FRMD4A: variants seen among roughly 807,000 people sequenced by gnomAD.
The protein encoded by FRMD4A is FERM domain containing 4A.
FRMD4A carries 29 observed loss-of-function variants against 129.1 expected under a neutral mutation model. That is an observed-to-expected ratio of 0.22 (90% CI 0.17 to 0.31). The LOEUF is 0.31. FRMD4A is among the 10% of genes least tolerant of loss of function. The pLI is 1.00. For missense variants in FRMD4A, 1,272 were observed against 1,375.8 expected (o/e 0.92, Z 1.19); for synonymous variants, 634 against 571.6 (o/e 1.11, Z -1.56).
intron 2 of FRMD4A, among the ~76,000 whole-genome samples, chr10:14,199,233 T>C (rs1423353053): frequency 6.6e-6 from 1 of 151,870 alleles, no homozygotes; most frequent in Non-Finnish European, 1.5e-5. Flanking sequence ...TTGTAACTTA[T>C]TCTTTATCAT....
intron 2 of FRMD4A, among the ~76,000 whole-genome samples, chr10:14,039,458 C>T (rs1428127635): frequency 1.4e-5 from 1 of 69,988 alleles, no homozygotes; most frequent in African/African-American, 6.4e-5. Flanking sequence ...ATCAATCAAT[C>T]TATCTATCTA....
intron 13 of FRMD4A, among the ~76,000 whole-genome samples, chr10:13,702,823 C>T (rs1467043401): frequency 6.6e-6 from 1 of 151,360 alleles, no homozygotes; most frequent in Non-Finnish European, 1.5e-5. Context: ...TCTTGTTCAC[C>T]CTCACTTTTA....
intron 2 of FRMD4A, among the ~76,000 whole-genome samples, chr10:14,160,843 T>C (rs901249585): frequency 6.6e-6 from 1 of 152,190 alleles, no homozygotes; most frequent in Non-Finnish European, 1.5e-5. Context: ...AGAATGGGGT[T>C]ATCAAAGAGA....
At chr10:13,884,216 A>ACGCTCACACACACTCT (rs1554956601) in intron 2 of FRMD4A, among the ~76,000 whole-genome samples, 1 of 125,644 alleles carries the variant, frequency 8.0e-6, no homozygotes, top group Non-Finnish European at 1.8e-5. Flanking sequence ...ACTCACACAC[A>ACGCTCACACACACTCT]CACACACACA....
intron 2 of FRMD4A, among the ~76,000 whole-genome samples, chr10:14,185,650 C>T (rs11258928): frequency 0.14 from 21,587 of 152,098 alleles, 2,697 homozygotes; most frequent in African/African-American, 0.33. Context: ...GCTGCAGGGG[C>T]GGTTGTTAGC....
At chr10:13,885,110 T>C (rs529672701) in intron 2 of FRMD4A, among the ~76,000 whole-genome samples, 288 of 152,274 alleles carry the variant, frequency 1.9e-3, no homozygotes, top group African/African-American at 6.6e-3. Flanking sequence ...CCTTGCCTAA[T>C]GCAGTAGCTC....
At chr10:13,675,625 T>A (rs1178520827) in intron 15 of FRMD4A, 1 of 152,450 alleles carries the variant, frequency 6.6e-6, no homozygotes, top group East Asian at 1.9e-4. Flanking sequence ...GGTCTCGAAC[T>A]CCTGACCTCA....
At chr10:13,665,994 A>T in intron 18 of FRMD4A, 103 bp downstream of exon 18, 1 of 713,336 alleles carries the variant, frequency 1.4e-6, no homozygotes. Flanking sequence ...GCGGACAGTT[A>T]GGCAGCTGCT....
intron 2 of FRMD4A, among the ~76,000 whole-genome samples, chr10:14,212,081 T>C (rs564796748): frequency 6.6e-6 from 1 of 152,214 alleles, no homozygotes; most frequent in South Asian, 2.1e-4. Flanking sequence ...GCAGAAAAAG[T>C]GTCCCAGGGT....
intron 2 of FRMD4A, among the ~76,000 whole-genome samples, chr10:13,958,025 T>C (rs1012221193): frequency 3.9e-5 from 6 of 152,178 alleles, no homozygotes; most frequent in African/African-American, 1.4e-4. Flanking sequence ...CACAGCTTGC[T>C]TCTTCCTCTG....
chr10:13,923,143 G>A (rs919811106), intron 2 of FRMD4A, among the ~76,000 whole-genome samples: 1 of 152,188 alleles, frequency 6.6e-6, no homozygotes, highest in African/African-American at 2.4e-5. Flanking sequence ...TGTATCGAGT[G>A]AGGTTTTCCA....
chr10:14,024,023 T>A (rs895707202), intron 2 of FRMD4A, among the ~76,000 whole-genome samples: 18 of 152,202 alleles, frequency 1.2e-4, no homozygotes, highest in African/African-American at 4.3e-4. Flanking sequence ...ATGTGGTTCA[T>A]TCAGGGAATA....
chr10:14,142,827 A>G lies in FRMD4A; in HGVS notation c.45+187231T>C, dbSNP rs374010699. The stretch of plus-strand genomic sequence containing the variant: ...ACTAAAAATGGAATCCAATTAAAAA[A>G]TGGGCAAAGGACTTGAATAGACATT... On this transcript the variant is annotated intron_variant, in intron 2 of 24. Transcript: ENST00000357447. Among the ~76,000 whole-genome samples the G allele has an allele frequency of 3.3e-5, 5 of 152,262 alleles. No individual in the cohort carries two copies. In the East Asian group the frequency reaches 7.7e-4, roughly 23 times the overall value.
intron 2 of FRMD4A, chr10:13,991,732 T>G (rs2095604224): frequency 6.6e-6 from 1 of 152,670 alleles, no homozygotes; most frequent in African/African-American, 2.4e-5. Context: ...GGGCTACGTT[T>G]CCATTGTGTT....
At chr10:14,044,217 C>CATACA (rs1833895357) in intron 2 of FRMD4A, among the ~76,000 whole-genome samples, 1 of 152,204 alleles carries the variant, frequency 6.6e-6, no homozygotes, top group African/African-American at 2.4e-5. Context: ...TCTTTCCTGT[C>CATACA]GCCCCTTTAC....
chr10:14,288,663 T>G (rs1564442731), intron 2 of FRMD4A, among the ~76,000 whole-genome samples: 1 of 152,212 alleles, frequency 6.6e-6, no homozygotes, highest in African/African-American at 2.4e-5. Context: ...TGCACAATAT[T>G]TTTAATTGTT....
At chr10:14,243,742 A>G (rs558040527) in intron 2 of FRMD4A, among the ~76,000 whole-genome samples, 1 of 152,178 alleles carries the variant, frequency 6.6e-6, no homozygotes, top group Admixed American at 6.5e-5. Flanking sequence ...TGGTGGTTGC[A>G]CAACTATGAA....
chr10:13,873,900 A>T (rs1054763913), intron 2 of FRMD4A, among the ~76,000 whole-genome samples: 3 of 152,140 alleles, frequency 2.0e-5, no homozygotes, highest in Admixed American at 1.3e-4. Flanking sequence ...GAACCTTTAA[A>T]GATATGTTCA....
intron 21 of FRMD4A, among the ~76,000 whole-genome samples, chr10:13,658,376 G>A (rs2082354599): frequency 6.6e-6 from 1 of 152,178 alleles, no homozygotes; most frequent in African/African-American, 2.4e-5. Flanking sequence ...AATTCATTCT[G>A]CTCGTTTGAG....
Sources: gnomAD v4.1 joint callset for allele counts (sites outside exome capture counted in the v4.1 genomes callset) on GRCh38, gnomAD v4.1.1 for gene constraint, MANE v1.5 for transcripts, NCBI Gene and HGNC (gene_info 2026-07-23, HGNC 2026-07-21) for gene names.